Variants in CDH13 observed in about 807,000 individuals in gnomAD.
CDH13 encodes cadherin-13.
Under a neutral mutation model 63.8 loss-of-function variants are expected in CDH13, and 24 were observed. That is an observed-to-expected ratio of 0.38 (90% CI 0.27 to 0.53). CDH13 has a LOEUF of 0.53. CDH13 is among the 20% of genes least tolerant of loss of function. The pLI is 0.85. For synonymous variants in CDH13, 503 were observed against 355.3 expected, an observed-to-expected ratio of 1.42 and a Z score of -4.67; for missense variants, 1,049 against 903.1, an observed-to-expected ratio of 1.16 and a Z score of -2.07.
rs1914200394 is a variant in CDH13, at chr16:83,668,422, T to G, written c.1102-2368T>G. Among the ~76,000 whole-genome samples the G allele has an allele frequency of 2.0e-5, 3 of 152,224 alleles. No individual in the cohort carries two copies. In the South Asian group the frequency reaches 6.2e-4, roughly 32 times the overall value. ...CTGCTTTGACAGAGCAACTTCTCACTTATGCACTGGACATGACAGCGTTTC... is the reference window on the plus strand; with the variant it reads ...CTGCTTTGACAGAGCAACTTCTCACGTATGCACTGGACATGACAGCGTTTC... On this transcript the variant is annotated intron_variant, in intron 8 of 13. Transcript: ENST00000567109.
intron 2 of CDH13, among the ~76,000 whole-genome samples, chr16:82,994,534 T>C (rs1911999968): frequency 6.6e-6 from 1 of 152,200 alleles, no homozygotes; most frequent in Non-Finnish European, 1.5e-5. Flanking sequence ...ATGGCCCCTT[T>C]GGTTATTTCT....
chr16:83,220,918 C>A (rs909113553), intron 5 of CDH13, among the ~76,000 whole-genome samples: 1 of 152,240 alleles, frequency 6.6e-6, no homozygotes, highest in Non-Finnish European at 1.5e-5. Context: ...TTATTGAACA[C>A]TGCATGGCAG....
intron 1 of CDH13, among the ~76,000 whole-genome samples, chr16:82,784,198 C>T (rs73604833): frequency 0.021 from 3,160 of 152,260 alleles, 104 homozygotes; most frequent in African/African-American, 0.071. Context: ...TATGAAGCTG[C>T]TCAGAAACTC....
At chr16:83,715,632 T>C (rs1384568417) in intron 10 of CDH13, among the ~76,000 whole-genome samples, 1 of 152,146 alleles carries the variant, frequency 6.6e-6, no homozygotes, top group African/African-American at 2.4e-5. Flanking sequence ...AAAAACAGTG[T>C]CTTTGAGGGC....
chr16:83,763,706 G>T (rs1914159532), intron 11 of CDH13, among the ~76,000 whole-genome samples: 1 of 152,086 alleles, frequency 6.6e-6, no homozygotes, highest in African/African-American at 2.4e-5. Flanking sequence ...GATATTAATT[G>T]AGGAGGAAAA....
At chr16:83,548,496 G>A (rs78504635) in intron 7 of CDH13, among the ~76,000 whole-genome samples, 2,754 of 152,318 alleles carry the variant, frequency 0.018, 73 homozygotes, top group African/African-American at 0.063. Flanking sequence ...TTCAGATGTA[G>A]AAACATCAGA....
At chr16:83,430,880 A>C (rs957165742) in intron 6 of CDH13, among the ~76,000 whole-genome samples, 2 of 151,762 alleles carry the variant, frequency 1.3e-5, no homozygotes, top group Non-Finnish European at 2.9e-5. Context: ...GGTTAGTTAC[A>C]TATGTATGCA....
chr16:82,637,001 A>G (rs1908739004), intron 1 of CDH13, among the ~76,000 whole-genome samples: 1 of 152,148 alleles, frequency 6.6e-6, no homozygotes, highest in South Asian at 2.1e-4. Flanking sequence ...TCATCTGTAA[A>G]ATGGACCAGG....
chr16:82,687,365 G>C (rs534246434), intron 1 of CDH13, among the ~76,000 whole-genome samples: 1 of 152,278 alleles, frequency 6.6e-6, no homozygotes, highest in South Asian at 2.1e-4. Flanking sequence ...ACTGGTCTAT[G>C]TGGGTGTATT....
chr16:82,767,431 A>G (rs1597510314), intron 1 of CDH13, among the ~76,000 whole-genome samples: 1 of 152,220 alleles, frequency 6.6e-6, no homozygotes, highest in East Asian at 1.9e-4. Flanking sequence ...CCTTGACTCA[A>G]CATGTTGTTT....
intron 6 of CDH13, among the ~76,000 whole-genome samples, chr16:83,366,622 A>G (rs1351817231): frequency 6.6e-6 from 1 of 152,182 alleles, no homozygotes; most frequent in African/African-American, 2.4e-5. Context: ...TAAGGCTTGT[A>G]CAAGCTTTTC....
chr16:82,947,896 A>T (rs1223900455), intron 2 of CDH13, among the ~76,000 whole-genome samples: 3 of 152,182 alleles, frequency 2.0e-5, no homozygotes, highest in Non-Finnish European at 4.4e-5. Flanking sequence ...TCATGATGGA[A>T]CTAGTTGGGA....
chr16:83,773,805 C>A (rs969611620), intron 11 of CDH13, among the ~76,000 whole-genome samples: 1 of 152,176 alleles, frequency 6.6e-6, no homozygotes, highest in East Asian at 1.9e-4. Context: ...TGGTGATTCT[C>A]CTGGTGGCTG....
rs567605923 is a variant in CDH13, at chr16:82,661,092, G to A, written c.45+33955G>A. Among the ~76,000 whole-genome samples the A allele has an allele frequency of 6.6e-5, 10 of 152,296 alleles. No individual in the cohort carries two copies. In the South Asian group the frequency reaches 2.1e-3, roughly 32 times the overall value. ...CTTGAGAGAGTGATGGTGGCCCAGGGGCCGGTGTGATGTTTCATGCTGGAG... is the reference window on the plus strand; with the variant it reads ...CTTGAGAGAGTGATGGTGGCCCAGGAGCCGGTGTGATGTTTCATGCTGGAG... On this transcript the variant is annotated intron_variant, in intron 1 of 13. Transcript: ENST00000567109.
At chr16:83,478,836 G>GAAAAAAAAAAAAAAAAA (rs374669824) in intron 6 of CDH13, among the ~76,000 whole-genome samples, 1 of 112,316 alleles carries the variant, frequency 8.9e-6, no homozygotes. Context: ...TTGAAGATGA[G>GAAAAAAAAAAAAAAAAA]AAAAAAAAAA....
chr16:82,842,112 GTATATA>G lies in CDH13; in HGVS notation c.46-16229_46-16224del, dbSNP rs1239169050. Among the ~76,000 whole-genome samples the G allele has an allele frequency of 8.3e-4, 49 of 58,960 alleles. 1 individual carries two copies. The highest frequency in any genetic ancestry group is 3.2e-3 in the African/African-American group (47 of 14,696). The allele number at this position is 58,960 out of a possible 152,430, so 38.7% of individuals were successfully genotyped here. On this transcript the variant is annotated intron_variant, in intron 1 of 13. Coordinates refer to ENST00000567109, the MANE Select transcript of CDH13 (RefSeq NM_001257.5). ...TCTACATATATATATATATATATAT[GTATATA>G]TATATATATATATATATATACACAT... is the stretch of plus-strand genomic sequence containing the variant.
intron 7 of CDH13, among the ~76,000 whole-genome samples, chr16:83,511,085 C>G (rs1598189572): frequency 1.0e-5 from 1 of 98,976 alleles, no homozygotes; most frequent in South Asian, 3.5e-4. Flanking sequence ...TGCACGCATG[C>G]ACACACACAT....
intron 3 of CDH13, among the ~76,000 whole-genome samples, chr16:83,113,652 C>G (rs2035167734): frequency 6.6e-6 from 1 of 152,120 alleles, no homozygotes; most frequent in Non-Finnish European, 1.5e-5. Flanking sequence ...TGCAGCCAAT[C>G]CTCATAGCAA....
intron 7 of CDH13, among the ~76,000 whole-genome samples, chr16:83,570,838 ATTT>A (rs57932482): frequency 7.7e-5 from 9 of 116,794 alleles, no homozygotes; most frequent in Admixed American, 6.4e-4. Context: ...AAAAATTTAT[ATTT>A]TTATATATAT....
Sources: allele counts gnomAD v4.1 joint callset (sites outside exome capture counted in the v4.1 genomes callset), GRCh38; gene constraint gnomAD v4.1.1; transcripts MANE v1.5; gene names NCBI Gene and HGNC (gene_info 2026-07-23, HGNC 2026-07-21).